Variants in UNC5D observed in about 807,000 individuals in gnomAD.
The protein encoded by UNC5D is unc-5 netrin receptor D, also known as netrin receptor UNC5D.
A neutral mutation model predicts 105.4 loss-of-function variants in UNC5D; 39 were observed. The observed-to-expected ratio is 0.37, with a 90% CI of 0.29 to 0.48. The LOEUF (loss-of-function observed/expected upper bound fraction) is 0.48, where lower values mean the gene tolerates loss of function less well. Ranked by LOEUF, UNC5D falls within the 20% of genes least tolerant of loss-of-function variation. The probability of loss-of-function intolerance (pLI) is 0.98; values close to 1 mark genes in which losing one functional copy is unlikely to be tolerated. For synonymous variants in UNC5D, 452 were observed against 450.4 expected (o/e 1.00, Z -0.04); for missense variants, 991 against 1,202.4 (o/e 0.82, Z 2.60).
chr8:35,361,499 C>T (rs901993159), intron 1 of UNC5D, among the ~76,000 whole-genome samples: 2 of 152,098 alleles, frequency 1.3e-5, no homozygotes, highest in Non-Finnish European at 2.9e-5. Context: ...ATCTCAGAGA[C>T]CATCAGGAAG....
intron 4 of UNC5D, among the ~76,000 whole-genome samples, chr8:35,610,959 T>G (rs1487161798): frequency 7.6e-6 from 1 of 131,980 alleles, no homozygotes; most frequent in Non-Finnish European, 1.5e-5. Context: ...TTTTCTCCTC[T>G]GGAAATGAGA....
At chr8:35,250,537 T>C (rs564012283) in intron 1 of UNC5D, among the ~76,000 whole-genome samples, 10 of 152,156 alleles carry the variant, frequency 6.6e-5, no homozygotes, top group South Asian at 6.2e-4. Flanking sequence ...CTCTGTTGCC[T>C]AGGCTGGAGT....
At chr8:35,359,766 A>G (rs944429522) in intron 1 of UNC5D, among the ~76,000 whole-genome samples, 1 of 152,178 alleles carries the variant, frequency 6.6e-6, no homozygotes, top group African/African-American at 2.4e-5. Context: ...TGAGGATTCA[A>G]AATTTTAGTG....
At chr8:35,534,448 T>A (rs75879413) in intron 1 of UNC5D, among the ~76,000 whole-genome samples, 2 of 152,148 alleles carry the variant, frequency 1.3e-5, no homozygotes, top group East Asian at 3.9e-4. Context: ...CTATAAACAC[T>A]GTCACTGGTC....
At chr8:35,666,042 G>A (rs1040378395) in intron 4 of UNC5D, among the ~76,000 whole-genome samples, 2 of 151,340 alleles carry the variant, frequency 1.3e-5, no homozygotes, top group Non-Finnish European at 2.9e-5. Context: ...TGGATTATTA[G>A]GGATATTTCC....
chr8:35,405,818 T>C (rs1451640332), intron 1 of UNC5D, among the ~76,000 whole-genome samples: 4 of 152,170 alleles, frequency 2.6e-5, no homozygotes, highest in Non-Finnish European at 5.9e-5. Context: ...TTATTACATG[T>C]AACAATTTCC....
At chr8:35,776,510 T>G (rs1040796608) in intron 16 of UNC5D, among the ~76,000 whole-genome samples, 1 of 152,192 alleles carries the variant, frequency 6.6e-6, no homozygotes, top group Non-Finnish European at 1.5e-5. Context: ...AGACTTAAGT[T>G]TAACAACCTT....
chr8:35,249,925 A>ATT lies in UNC5D; in HGVS notation c.103+14048_103+14049dup, dbSNP rs574682409. 3.4e-5 allele frequency among the ~76,000 whole-genome samples: 5 copies of ATT among 146,948 alleles called. No individual in the cohort carries two copies. In the South Asian group the frequency reaches 8.6e-4, roughly 25 times the overall value. ...AAATCCCTTGTCTTCACTGAAAGCC[A>ATT]TTTTTTTTTTTCAAAATTGCAGAAA... On this transcript the variant is annotated intron_variant, in intron 1 of 16. Coordinates refer to ENST00000404895, the MANE Select transcript of UNC5D (RefSeq NM_080872.4).
intron 1 of UNC5D, among the ~76,000 whole-genome samples, chr8:35,335,810 C>T (rs565117694): frequency 1.3e-4 from 17 of 126,244 alleles, no homozygotes; most frequent in African/African-American, 5.2e-4. Context: ...GTCGCCCAGG[C>T]TGGAGTGCAG....
intron 1 of UNC5D, among the ~76,000 whole-genome samples, chr8:35,353,856 A>G (rs1585651092): frequency 6.6e-6 from 1 of 152,178 alleles, no homozygotes; most frequent in East Asian, 1.9e-4. Context: ...ATATAATTAC[A>G]TAAACATATG....
intron 1 of UNC5D, among the ~76,000 whole-genome samples, chr8:35,429,028 T>G (rs1053723906): frequency 1.3e-5 from 2 of 152,186 alleles, no homozygotes. Context: ...TGTCCCAGTT[T>G]GCTGGTTAAA....
chr8:35,499,702 G>A (rs1304384771), intron 1 of UNC5D, among the ~76,000 whole-genome samples: 1 of 152,124 alleles, frequency 6.6e-6, no homozygotes, highest in East Asian at 1.9e-4. Context: ...CAAGCTCCAG[G>A]AGCACTGCAA....
At chr8:35,259,967 T>C (rs1034254427) in intron 1 of UNC5D, among the ~76,000 whole-genome samples, 1 of 152,008 alleles carries the variant, frequency 6.6e-6, no homozygotes, top group Non-Finnish European at 1.5e-5. Flanking sequence ...TTATCATTTT[T>C]CCCCCCAGGT....
In UNC5D at chr8:35,686,716, C is replaced by T. The variant is rs752062200; in HGVS notation, c.1084+7C>T. On this transcript the variant is annotated splice_region_variant and intron_variant, in intron 7 of 16. Coordinates refer to ENST00000404895, the MANE Select transcript of UNC5D (RefSeq NM_080872.4). ...GATGGTCTTTGCATCCTAGGTAACA[C>T]TTTTGCTTTAACATCTTCAGTGTTT... The T allele has an allele frequency of 2.2e-5, 34 of 1,574,212 alleles. No individual in the cohort carries two copies. Among genetic ancestry groups the T allele is most frequent in the Middle Eastern group, 1.7e-4 (1 of 6,020 alleles).
chr8:35,514,784 A>T (rs923260587), intron 1 of UNC5D, among the ~76,000 whole-genome samples: 1 of 152,234 alleles, frequency 6.6e-6, no homozygotes, highest in Non-Finnish European at 1.5e-5. Context: ...GTGTGATAAT[A>T]TTTGAAATTT....
At chr8:35,355,016 A>G (rs953657667) in intron 1 of UNC5D, among the ~76,000 whole-genome samples, 2 of 152,076 alleles carry the variant, frequency 1.3e-5, no homozygotes, top group Non-Finnish European at 2.9e-5. Flanking sequence ...GTTTTAAGAG[A>G]CAGGAAAATG....
chr8:35,696,909 A>T lies in UNC5D; in HGVS notation c.1085-9020A>T, dbSNP rs114694236. Among the ~76,000 whole-genome samples the T allele has an allele frequency of 5.4e-3, 829 of 152,208 alleles. 9 individuals are homozygous for T. Among genetic ancestry groups the T allele is most frequent in the African/African-American group, 0.019 (776 of 41,534 alleles). On this transcript the variant is annotated intron_variant, in intron 7 of 16. Transcript: ENST00000404895. The stretch of plus-strand genomic sequence containing the variant: ...TTCAGTGGAATGGAAAATTGCCATG[A>T]TCATTTAGAAAGATATCATAGGGTA...
At chr8:35,275,131 TA>T (rs1805688538) in intron 1 of UNC5D, among the ~76,000 whole-genome samples, 1 of 149,940 alleles carries the variant, frequency 6.7e-6, no homozygotes, top group Non-Finnish European at 1.5e-5. Context: ...TATATTTTTA[TA>T]TATATATATA....
chr8:35,285,030 T>A (rs762209089), intron 1 of UNC5D, among the ~76,000 whole-genome samples: 1 of 152,212 alleles, frequency 6.6e-6, no homozygotes, highest in African/African-American at 2.4e-5. Flanking sequence ...GGCTTTGAGA[T>A]AGATACCAAT....
Sources: gnomAD v4.1 joint callset for allele counts (sites outside exome capture counted in the v4.1 genomes callset) on GRCh38, gnomAD v4.1.1 for gene constraint, MANE v1.5 for transcripts, NCBI Gene and HGNC (gene_info 2026-07-23, HGNC 2026-07-21) for gene names.